The following CDK14 variants were observed in gnomAD, a reference collection of about 807,000 sequenced individuals.
CDK14 encodes cyclin dependent kinase 14, also known as cyclin-dependent kinase 14.
A neutral mutation model predicts 60.7 loss-of-function variants in CDK14; 34 were observed. The observed-to-expected ratio is 0.56, with a 90% CI of 0.43 to 0.75. CDK14 has a LOEUF of 0.75. Ranked by LOEUF, CDK14 falls within the 30% of genes least tolerant of loss-of-function variation. The pLI is 0.00. For synonymous variants in CDK14, 197 were observed against 203.7 expected (o/e 0.97, Z 0.28); for missense variants, 482 against 564.1 (o/e 0.85, Z 1.47).
intron 5 of CDK14, among the ~76,000 whole-genome samples, chr7:90,811,417 C>A (rs377636083): frequency 6.6e-6 from 1 of 151,958 alleles, no homozygotes; most frequent in Non-Finnish European, 1.5e-5. Context: ...TAGCCATATG[C>A]AGAAAGCTGA....
At chr7:90,596,740 G>GC (rs752298507) in intron 1 of CDK14, 22 bp downstream of exon 1, 80 of 1,583,986 alleles carry the variant, frequency 5.1e-5, no homozygotes, top group South Asian at 4.4e-4. Flanking sequence ...GCTGCCCCCG[G>GC]CCCCCCCAGC....
intron 14 of CDK14, among the ~76,000 whole-genome samples, chr7:91,169,759 T>C (rs1801456897): frequency 6.6e-6 from 1 of 152,162 alleles, no homozygotes; most frequent in Non-Finnish European, 1.5e-5. Context: ...GTCAATTTAA[T>C]CCACACTGCC....
At chr7:91,175,580 C>T (rs1314956250) in intron 14 of CDK14, among the ~76,000 whole-genome samples, 1 of 151,806 alleles carries the variant, frequency 6.6e-6, no homozygotes, top group Non-Finnish European at 1.5e-5. Context: ...CGTGCAGAGA[C>T]ACACATAGGC....
At chr7:90,891,648 G>T (rs981203632) in intron 6 of CDK14, among the ~76,000 whole-genome samples, 1 of 152,214 alleles carries the variant, frequency 6.6e-6, no homozygotes, top group Non-Finnish European at 1.5e-5. Flanking sequence ...TTCAAGAGAG[G>T]ATTTCTGTTG....
Position 91,112,661 on chromosome 7 carries a change from G to A in CDK14, c.1274G>A (p.Arg425Gln), listed in dbSNP as rs546258215. The A allele has an allele frequency of 1.1e-5, 18 of 1,613,598 alleles. 1 individual carries two copies. Among genetic ancestry groups the A allele is most frequent in the East Asian group, 4.5e-5 (2 of 44,814 alleles). The part of the protein sequence containing the change: ...SHEYFSDLPP[R>Q]LWELTDMSSI... ...GAGTATTTTAGTGACCTGCCGCCAC[G>A]GCTATGGGAACTCACCGACAGTGAG... The change falls in exon 13 of 15, where the codon CGG becomes CAG. Residue 425 changes from arginine to glutamine, a missense_variant. By Grantham distance (43) the Arg-to-Gln change is conservative. Coordinates refer to ENST00000380050, the MANE Select transcript of CDK14 (RefSeq NM_001287135.2).
chr7:90,661,649 G>T (rs1340557452), intron 2 of CDK14, among the ~76,000 whole-genome samples: 1 of 152,134 alleles, frequency 6.6e-6, no homozygotes, highest in African/African-American at 2.4e-5. Flanking sequence ...AGGTCATCTG[G>T]TGACTAGTTT....
chr7:90,687,385 G>A (rs1584794036), intron 2 of CDK14, among the ~76,000 whole-genome samples: 1 of 152,060 alleles, frequency 6.6e-6, no homozygotes, highest in Admixed American at 6.6e-5. Context: ...TGGACTTTTG[G>A]GTTGAGGAAG....
chr7:91,161,244 G>T (rs1324738166), intron 14 of CDK14, among the ~76,000 whole-genome samples: 1 of 152,182 alleles, frequency 6.6e-6, no homozygotes, highest in African/African-American at 2.4e-5. Flanking sequence ...GATTCAGGAA[G>T]GAGCCTCCCA....
chr7:90,930,647 TAG>T (rs1405904820), intron 8 of CDK14, among the ~76,000 whole-genome samples: 1 of 150,422 alleles, frequency 6.6e-6, no homozygotes, highest in Non-Finnish European at 1.5e-5. Context: ...TTTTGAATCA[TAG>T]AAATGTTTGA....
intron 14 of CDK14, among the ~76,000 whole-genome samples, chr7:91,144,379 A>G (rs549005393): frequency 1.3e-5 from 2 of 152,252 alleles, no homozygotes; most frequent in East Asian, 3.8e-4. Flanking sequence ...CAATTTCTAC[A>G]TAAGCATTTG....
At chr7:90,761,240 C>T (rs556370263) in intron 4 of CDK14, among the ~76,000 whole-genome samples, 2 of 151,954 alleles carry the variant, frequency 1.3e-5, no homozygotes, top group East Asian at 1.9e-4. Flanking sequence ...GGACAGGAGA[C>T]GCTCAATACA....
At chr7:90,650,077 A>C (rs188219468) in intron 2 of CDK14, among the ~76,000 whole-genome samples, 110 of 152,322 alleles carry the variant, frequency 7.2e-4, no homozygotes, top group African/African-American at 2.4e-3. Context: ...TCCCACCAAC[A>C]GTGTAAAAGT....
intron 5 of CDK14, among the ~76,000 whole-genome samples, chr7:90,796,556 C>T (rs1260300214): frequency 6.6e-6 from 1 of 151,528 alleles, no homozygotes; most frequent in African/African-American, 2.4e-5. Flanking sequence ...ATATGCTAGC[C>T]CTTTGAAAAA....
chr7:91,104,205 T>A (rs1453841007), intron 12 of CDK14, among the ~76,000 whole-genome samples: 3 of 152,048 alleles, frequency 2.0e-5, no homozygotes, highest in Admixed American at 6.6e-5. Flanking sequence ...GCTCATTGAG[T>A]ACACCCCCAC....
intron 11 of CDK14, among the ~76,000 whole-genome samples, chr7:91,058,314 G>C (rs945312750): frequency 6.6e-6 from 1 of 152,054 alleles, no homozygotes; most frequent in African/African-American, 2.4e-5. Flanking sequence ...GGGCTGAGAC[G>C]ATGGGGTTTT....
chr7:91,104,097 CA>C (rs1474352082), intron 12 of CDK14, among the ~76,000 whole-genome samples: 4 of 151,972 alleles, frequency 2.6e-5, no homozygotes, highest in Non-Finnish European at 5.9e-5. Context: ...TTTCCATGAA[CA>C]ACAAACATCT....
chr7:90,765,570 A>G (rs1284875307), intron 4 of CDK14, among the ~76,000 whole-genome samples: 1 of 151,588 alleles, frequency 6.6e-6, no homozygotes, highest in Non-Finnish European at 1.5e-5. Context: ...ATGAATCCTG[A>G]AAGTAATTTA....
At chr7:91,182,034 T>A (rs191172124) in intron 14 of CDK14, among the ~76,000 whole-genome samples, 1 of 152,276 alleles carries the variant, frequency 6.6e-6, no homozygotes, top group East Asian at 1.9e-4. Context: ...TATTCATAGT[T>A]ATAATTCAAA....
chr7:90,888,265 G>A (rs1008011697), intron 6 of CDK14, among the ~76,000 whole-genome samples: 6 of 152,050 alleles, frequency 3.9e-5, no homozygotes, highest in Non-Finnish European at 5.9e-5. Flanking sequence ...CAGGAGAATC[G>A]CTTGAACCCG....
Sources: gnomAD v4.1 joint callset for allele counts (sites outside exome capture counted in the v4.1 genomes callset) on GRCh38, gnomAD v4.1.1 for gene constraint, MANE v1.5 for transcripts, NCBI Gene and HGNC (gene_info 2026-07-23, HGNC 2026-07-21) for gene names.